Variants in GLIPR1L2 observed in about 807,000 individuals in gnomAD.
GLIPR1L2 encodes the protein GLIPR1-like protein 2.
GLIPR1L2 carries 21 observed loss-of-function variants against 28.4 expected under a neutral mutation model. The ratio of observed to expected loss-of-function variants is 0.74; its 90% CI spans 0.52 to 1.06. The LOEUF (loss-of-function observed/expected upper bound fraction) is 1.06. Among genes scored for constraint, GLIPR1L2 ranks in the 50% least tolerant of loss-of-function variants. The probability of loss-of-function intolerance (pLI) is 0.00; values close to 1 mark genes in which losing one functional copy is unlikely to be tolerated. For synonymous variants in GLIPR1L2, 145 were observed against 139.3 expected, an observed-to-expected ratio of 1.04 and a Z score of -0.29; for missense variants, 476 against 416.9, an observed-to-expected ratio of 1.14 and a Z score of -1.23.
chr12:75,430,972 G>T lies in GLIPR1L2; in HGVS notation c.846G>T (p.Leu282Phe). 6.5e-7 allele frequency: 1 copy of T among 1,535,414 alleles called. No homozygotes were observed. The highest frequency in any genetic ancestry group is 8.7e-7 in the Non-Finnish European group (1 of 1,146,512). ...TACAGTCTCAGTTTCCAAATATCTT[G>T]TTGGAACAACAAATGATATTTACCC... ...LIVQSQFPNI[L>F]LEQQMIFTPE... is the part of the protein sequence containing the mutation. Residue 282 changes from leucine (L) to phenylalanine (F), a missense_variant, in exon 6 of 6, where the codon TTG becomes TTT. By Grantham distance (22) the Leu-to-Phe change is conservative (BLOSUM62 0). Transcript: ENST00000550916.
At chr12:75,411,538 C>T (rs1270795468) in intron 2 of GLIPR1L2, among the ~76,000 whole-genome samples, 1 of 151,464 alleles carries the variant, frequency 6.6e-6, no homozygotes, top group African/African-American at 2.4e-5. Context: ...CAGTGATTCT[C>T]CATTGACTTG....
intron 4 of GLIPR1L2, 64 bp from the exon 5 acceptor site, chr12:75,430,651 A>G: frequency 2.8e-6 from 4 of 1,405,670 alleles, no homozygotes; most frequent in East Asian, 5.0e-5. Context: ...TTGGGAGATT[A>G]TCTTATTTTT....
chr12:75,410,712 C>T (rs2045858666), intron 2 of GLIPR1L2, 33 bp downstream of exon 2: 2 of 1,474,570 alleles, frequency 1.4e-6, no homozygotes, highest in African/African-American at 1.4e-5. Flanking sequence ...TTAATTCAAA[C>T]ACTTCTTAAT....
chr12:75,405,244 T>C (rs1279477341), intron 1 of GLIPR1L2, among the ~76,000 whole-genome samples: 2 of 152,176 alleles, frequency 1.3e-5, no homozygotes, highest in African/African-American at 2.4e-5. Context: ...GAAGAAAATT[T>C]AGGACAATAT....
Position 75,417,479 on chromosome 12 carries a change from A to G in GLIPR1L2, c.584+3778A>G, listed in dbSNP as rs1451630284. Among the ~76,000 whole-genome samples the G allele has an allele frequency of 3.9e-5, 6 of 152,312 alleles. No homozygotes were observed. The East Asian group carries it at 1.2e-3, about 29-fold the overall frequency. On this transcript the variant is annotated intron_variant, in intron 3 of 5. Transcript: ENST00000550916. ...CGAATTTGTGGTAATTTGTTAATAT[A>G]GTTACAGAAAATTAATGCAGAATGG... is the stretch of plus-strand genomic sequence containing the variant.
At chr12:75,400,911 A>G (rs1394478979) in intron 1 of GLIPR1L2, among the ~76,000 whole-genome samples, 1 of 119,128 alleles carries the variant, frequency 8.4e-6, no homozygotes, top group African/African-American at 3.1e-5. Flanking sequence ...GGAAGTGAGC[A>G]TAATTTTATA....
At chr12:75,418,954 G>A (rs1484961766) in intron 3 of GLIPR1L2, among the ~76,000 whole-genome samples, 2 of 152,060 alleles carry the variant, frequency 1.3e-5, no homozygotes, top group Non-Finnish European at 2.9e-5. Flanking sequence ...ATAAGTGGGA[G>A]TTGAACAATG....
intron 3 of GLIPR1L2, among the ~76,000 whole-genome samples, chr12:75,421,484 C>T (rs2045975499): frequency 6.6e-6 from 1 of 152,106 alleles, no homozygotes; most frequent in Admixed American, 6.5e-5. Context: ...TCTAGAAGGC[C>T]TAACCAAGGA....
At chr12:75,395,757 CTT>C (rs1485434719) in intron 1 of GLIPR1L2, among the ~76,000 whole-genome samples, 2 of 151,938 alleles carry the variant, frequency 1.3e-5, no homozygotes, top group Admixed American at 1.3e-4. Flanking sequence ...AGTCTTCTGT[CTT>C]TATTTCTTAC....
At chr12:75,424,187 G>A (rs780304156) in intron 4 of GLIPR1L2, 3 of 152,200 alleles carry the variant, frequency 2.0e-5, no homozygotes, top group Non-Finnish European at 2.9e-5. Flanking sequence ...CCCACCTACA[G>A]TGTAAAAGTG....
At chr12:75,427,463 A>C (rs1594033522) in intron 4 of GLIPR1L2, among the ~76,000 whole-genome samples, 1 of 152,200 alleles carries the variant, frequency 6.6e-6, no homozygotes, top group Non-Finnish European at 1.5e-5. Context: ...GATCCAAAGG[A>C]AGGTCAGTTC....
chr12:75,418,363 A>G (rs1259990090), intron 3 of GLIPR1L2, among the ~76,000 whole-genome samples: 1 of 152,198 alleles, frequency 6.6e-6, no homozygotes, highest in East Asian at 1.9e-4. Flanking sequence ...CATGAAAGCT[A>G]TATTAGTGAA....
chr12:75,413,351 T>A, intron 2 of GLIPR1L2, among the ~76,000 whole-genome samples: 1 of 145,964 alleles, frequency 6.9e-6, no homozygotes, highest in Non-Finnish European at 1.5e-5. Flanking sequence ...ATAATAATAA[T>A]AAAATAAAAT....
chr12:75,396,691 G>C (rs968443582), intron 1 of GLIPR1L2, among the ~76,000 whole-genome samples: 2 of 152,102 alleles, frequency 1.3e-5, no homozygotes, highest in African/African-American at 4.8e-5. Context: ...CTGTGAACTT[G>C]TTAGAAATTA....
At chr12:75,420,579 A>C (rs1259850352) in intron 3 of GLIPR1L2, among the ~76,000 whole-genome samples, 1 of 151,864 alleles carries the variant, frequency 6.6e-6, no homozygotes, top group Non-Finnish European at 1.5e-5. Context: ...TTGGTGAACC[A>C]CTGGTCTGCT....
chr12:75,413,336 A>G (rs1406059138), intron 2 of GLIPR1L2, among the ~76,000 whole-genome samples: 1 of 150,750 alleles, frequency 6.6e-6, no homozygotes, highest in Admixed American at 6.7e-5. Flanking sequence ...CCTAAAACTT[A>G]AAGTATAATA....
intron 3 of GLIPR1L2, among the ~76,000 whole-genome samples, chr12:75,416,619 A>T (rs1174562154): frequency 6.6e-6 from 1 of 152,114 alleles, no homozygotes; most frequent in Non-Finnish European, 1.5e-5. Context: ...TGAGAAATTG[A>T]GGAAGGAGAA....
chr12:75,400,914 A>C (rs1019494741), intron 1 of GLIPR1L2, among the ~76,000 whole-genome samples: 3 of 110,316 alleles, frequency 2.7e-5, no homozygotes, highest in Non-Finnish European at 6.0e-5. Flanking sequence ...AGTGAGCATA[A>C]TTTTATATAT....
intron 1 of GLIPR1L2, among the ~76,000 whole-genome samples, chr12:75,394,852 A>G (rs2045667125): frequency 6.6e-6 from 1 of 151,446 alleles, no homozygotes; most frequent in African/African-American, 2.4e-5. Context: ...CATCTTAACA[A>G]TATAAAGTAT....
Sources: gnomAD v4.1 joint callset for allele counts (sites outside exome capture counted in the v4.1 genomes callset) on GRCh38, gnomAD v4.1.1 for gene constraint, MANE v1.5 for transcripts, NCBI Gene and HGNC (gene_info 2026-07-23, HGNC 2026-07-21) for gene names.